The following SLC7A8 variants were observed in gnomAD, a reference collection of about 807,000 sequenced individuals.
SLC7A8 encodes large neutral amino acids transporter small subunit 2.
Under a neutral mutation model 51.2 loss-of-function variants are expected in SLC7A8, and 30 were observed. The observed-to-expected ratio is 0.59, with a 90% confidence interval of 0.44 to 0.80. The LOEUF is 0.80. Ranked by LOEUF, SLC7A8 falls within the 30% of genes least tolerant of loss-of-function variation. The pLI, the probability that SLC7A8 is intolerant of heterozygous loss-of-function variation, is 0.00. For missense variants in SLC7A8, 612 were observed against 674.4 expected, an observed-to-expected ratio of 0.91 and a Z score of 1.03; for synonymous variants, 257 against 275.8, an observed-to-expected ratio of 0.93 and a Z score of 0.67.
chr14:23,140,378 G>T, intron 5 of SLC7A8, 93 bp downstream of exon 5: 1 of 1,308,608 alleles, frequency 7.6e-7, no homozygotes, highest in South Asian at 1.4e-5. Context: ...GCTTTGGAAG[G>T]CGAGGTGGGC....
At chr14:23,136,249 C>CACA (rs2048689016) in intron 7 of SLC7A8, among the ~76,000 whole-genome samples, 1 of 152,184 alleles carries the variant, frequency 6.6e-6, no homozygotes, top group Non-Finnish European at 1.5e-5. Flanking sequence ...TGCAGCCATA[C>CACA]ACATCCCTGT....
At chr14:23,142,999 C>A (rs1484695152) in intron 4 of SLC7A8, 80 bp downstream of exon 4, 2 of 1,552,846 alleles carry the variant, frequency 1.3e-6, no homozygotes, top group Non-Finnish European at 1.8e-6. Flanking sequence ...GTGTGGCATA[C>A]TTCCAAAGCT....
chr14:23,167,317 G>A (rs934119082), intron 1 of SLC7A8, among the ~76,000 whole-genome samples: 3 of 148,990 alleles, frequency 2.0e-5, no homozygotes, highest in Non-Finnish European at 2.9e-5. Context: ...TGGAATTCAG[G>A]GAGAGGAGAG....
At chr14:23,166,627 G>C in intron 1 of SLC7A8, 87 bp from the exon 2 acceptor site, 1 of 1,359,076 alleles carries the variant, frequency 7.4e-7, no homozygotes, top group Non-Finnish European at 1.0e-6. Context: ...TCTCATTTCT[G>C]ATCTGATTCT....
chr14:23,135,082 T>G (rs987690832), intron 7 of SLC7A8, among the ~76,000 whole-genome samples: 7 of 151,902 alleles, frequency 4.6e-5, no homozygotes, highest in African/African-American at 1.7e-4. Flanking sequence ...AGTTATTATT[T>G]TTTTAATATT....
At chr14:23,152,370 A>G (rs777850881) in intron 3 of SLC7A8, among the ~76,000 whole-genome samples, 6 of 151,350 alleles carry the variant, frequency 4.0e-5, no homozygotes, top group Non-Finnish European at 7.4e-5. Flanking sequence ...AGCTCTAGCA[A>G]TCTGCCCACT....
At chr14:23,163,965 T>C (rs1326293057) in intron 3 of SLC7A8, among the ~76,000 whole-genome samples, 1 of 151,816 alleles carries the variant, frequency 6.6e-6, no homozygotes, top group Non-Finnish European at 1.5e-5. Context: ...GTTTTTAATT[T>C]CTTTTTTTTT....
At chr14:23,149,279 T>C (rs905793229) in intron 3 of SLC7A8, among the ~76,000 whole-genome samples, 17 of 152,204 alleles carry the variant, frequency 1.1e-4, no homozygotes, top group Non-Finnish European at 1.0e-4. Context: ...GTTTTTCCTC[T>C]TTCCTTTTAG....
chr14:23,143,374 G>T (rs1437176795), intron 3 of SLC7A8, among the ~76,000 whole-genome samples, 170 bp from the exon 4 acceptor site: 1 of 152,250 alleles, frequency 6.6e-6, no homozygotes, highest in African/African-American at 2.4e-5. Context: ...AGGTTAATGG[G>T]TTGCAAATGG....
intron 3 of SLC7A8, among the ~76,000 whole-genome samples, chr14:23,158,209 A>G (rs1002624038): frequency 1.3e-5 from 2 of 152,236 alleles, no homozygotes; most frequent in Admixed American, 6.5e-5. Flanking sequence ...TTGCATTTAT[A>G]TAACATTTCC....
intron 3 of SLC7A8, chr14:23,155,169 G>GTTTTAGAAATC: frequency 7.8e-6 from 12 of 1,535,848 alleles, no homozygotes; most frequent in Non-Finnish European, 1.0e-5. Context: ...CACTTACAAC[G>GTTTTAGAAATC]TTTTAGAAAT....
At chr14:23,178,673 G>A (rs940750816) in intron 1 of SLC7A8, among the ~76,000 whole-genome samples, 61 of 151,736 alleles carry the variant, frequency 4.0e-4, no homozygotes, top group Admixed American at 1.1e-3. Context: ...CCAACACTTC[G>A]GGAGGCTGAG....
chr14:23,138,797 C>G (rs1441512386), intron 6 of SLC7A8, among the ~76,000 whole-genome samples: 2 of 152,208 alleles, frequency 1.3e-5, no homozygotes, highest in African/African-American at 4.8e-5. Flanking sequence ...GTCATAAGAA[C>G]AGGCTGCCCC....
At chr14:23,144,631 T>C (rs2331937) in intron 3 of SLC7A8, among the ~76,000 whole-genome samples, 120,264 of 152,054 alleles carry the variant, frequency 0.79, 47,680 homozygotes, top group East Asian at 0.84. Flanking sequence ...CCCAACCTTA[T>C]TTGATGCTGA....
At chr14:23,162,833 C>T (rs2048930850) in intron 3 of SLC7A8, among the ~76,000 whole-genome samples, 1 of 152,166 alleles carries the variant, frequency 6.6e-6, no homozygotes, top group Admixed American at 6.5e-5. Flanking sequence ...GGAACTTCTT[C>T]AACCTGTGGC....
At chr14:23,179,673 G>A (rs959929528) in intron 1 of SLC7A8, among the ~76,000 whole-genome samples, 14 of 151,912 alleles carry the variant, frequency 9.2e-5, no homozygotes, top group Admixed American at 7.9e-4. Flanking sequence ...GCTAGGTGTC[G>A]TGGTGTATGC....
In SLC7A8 at chr14:23,165,238, T is replaced by C. The variant is rs1486555878; in HGVS notation, c.508+47A>G. 3 of 1,485,536 alleles carry C rather than the reference T, an allele frequency of 2.0e-6. No homozygotes were observed. Among genetic ancestry groups the C allele is most frequent in the Non-Finnish European group, 2.7e-6 (3 of 1,119,338 alleles). The allele number at this position is 1,485,536 out of a possible 1,614,324, so 92.0% of individuals were successfully genotyped here. On this transcript the variant is annotated intron_variant, in intron 3 of 10. Transcript: ENST00000316902. The surrounding 1 kb of genome is among the most constrained non-coding windows in gnomAD (Gnocchi z 4.2). ...TGTTTCTAAAAATAATAATAATAAATATAATAAAAGAGGCTGTCTTGCTAC... is the reference window on the plus strand; with the variant it reads ...TGTTTCTAAAAATAATAATAATAAACATAATAAAAGAGGCTGTCTTGCTAC...
rs749344173 is a variant in SLC7A8 at position 23,182,836 on chromosome 14, C to T, written c.79G>A (p.Ala27Thr). 6.2e-6 allele frequency: 10 copies of T among 1,613,870 alleles called. 1 individual carries two copies. The highest frequency in any genetic ancestry group is 1.7e-5 in the Admixed American group (1 of 59,958). ...GGGESDASPE[A>T]GSGGGGVALK... ...GCTACTCCGCCCCCTCCGGAACCAG[C>T]CTCGGGGCTGGCGTCCGACTCGCCC... The change falls in exon 1 of 11, where the codon GCT becomes ACT. Residue 27 changes from alanine to threonine, a missense_variant. Transcript: ENST00000316902.
intron 7 of SLC7A8, among the ~76,000 whole-genome samples, chr14:23,136,848 G>T (rs1053109279): frequency 1.3e-5 from 2 of 152,226 alleles, no homozygotes; most frequent in Non-Finnish European, 2.9e-5. Context: ...CGGGGCCTCC[G>T]TGTGGCCACT....
Sources: gnomAD v4.1 joint callset for allele counts (sites outside exome capture counted in the v4.1 genomes callset) on GRCh38, gnomAD v4.1.1 for gene constraint, Gnocchi (gnomAD v3.1) non-coding constraint, MANE v1.5 for transcripts, NCBI Gene and HGNC (gene_info 2026-07-23, HGNC 2026-07-21) for gene names.